ACCS: variants seen among roughly 807,000 people sequenced by gnomAD.
The protein encoded by ACCS is 1-aminocyclopropane-1-carboxylate synthase homolog (inactive).
In ACCS, 42 loss-of-function variants were observed where a neutral mutation model predicts 59.8. The ratio of observed to expected loss-of-function variants is 0.70; its 90% confidence interval spans 0.55 to 0.91. The LOEUF is 0.91. ACCS is among the 40% of genes least tolerant of loss of function. The pLI, the probability that ACCS is intolerant of heterozygous loss-of-function variation, is 0.00. For missense variants in ACCS, 602 were observed against 630.4 expected, an observed-to-expected ratio of 0.95 and a Z score of 0.48; for synonymous variants, 230 against 240.3, an observed-to-expected ratio of 0.96 and a Z score of 0.40.
Position 44,079,580 on chromosome 11 carries a change from G to T in ACCS, c.883G>T (p.Glu295Ter), listed in dbSNP as rs781178326. The change falls in exon 10 of 15, where the codon GAG becomes TAG. Residue 295 changes from glutamate to a stop codon, truncating the protein, a stop_gained. Coordinates refer to ENST00000263776, the MANE Select transcript of ACCS (RefSeq NM_032592.4). LOFTEE classifies it high-confidence loss of function. ...VDEVYMLSVF[E>*]KSVGYRSVLS... ...TGAGGTCTACATGCTGTCCGTGTTT[G>T]AGAAGTCTGTTGGGTACCGCAGTGT... The T allele has an allele frequency of 1.1e-5, 18 of 1,612,422 alleles. No individual in the cohort carries two copies. The highest frequency in any genetic ancestry group is 1.5e-5 in the Non-Finnish European group (18 of 1,179,578).
chr11:44,080,713 A>AG, intron 10 of ACCS: 1 of 452,030 alleles, frequency 2.2e-6, no homozygotes, highest in South Asian at 2.3e-5. Context: ...GCCTGGTCCC[A>AG]GGGGGAGTGG....
intron 1 of ACCS, 147 bp from the exon 2 acceptor site, chr11:44,067,481 A>C (rs1952842561): frequency 1.4e-5 from 12 of 835,074 alleles, no homozygotes; most frequent in Non-Finnish European, 2.2e-5. Flanking sequence ...ATATGGTTAC[A>C]GCTAAGGGAC....
intron 9 of ACCS, 154 bp from the exon 10 acceptor site, chr11:44,079,377 A>AG: frequency 3.2e-6 from 2 of 617,680 alleles, no homozygotes; most frequent in Non-Finnish European, 5.7e-6. Context: ...TTTGAAAAAA[A>AG]CAGAAGAAAG....
intron 10 of ACCS, among the ~76,000 whole-genome samples, chr11:44,080,104 T>C (rs189703048): frequency 2.1e-4 from 32 of 152,324 alleles, no homozygotes; most frequent in African/African-American, 7.2e-4. Context: ...CAGATCATCC[T>C]CAAGGCACAC....
chr11:44,073,350 T>C, intron 3 of ACCS, 97 bp from the exon 4 acceptor site: 1 of 998,670 alleles, frequency 1.0e-6, no homozygotes, highest in Non-Finnish European at 1.5e-6. Flanking sequence ...GCAGTTTCTC[T>C]GATGAGCAGA....
At position 44,081,175 on chromosome 11, in the gene ACCS, G is replaced by T. The variant is rs201913048; in HGVS notation, c.970-4G>T. ...GCCACCGCCTAGGGTGCTTCTTCCT[G>T]CAGGACTTCGGGATGTCTGGGCTCC... On this transcript the variant is annotated splice_polypyrimidine_tract_variant and splice_region_variant and intron_variant, in intron 11 of 14. Transcript: ENST00000263776. The T allele has an allele frequency of 1.2e-6, 2 of 1,614,100 alleles. No individual in the cohort carries two copies. The highest frequency in any genetic ancestry group is 1.3e-5 in the African/African-American group (1 of 74,938).
chr11:44,081,383 C>T, intron 12 of ACCS, 63 bp downstream of exon 12: 1 of 1,594,414 alleles, frequency 6.3e-7, no homozygotes, highest in Non-Finnish European at 8.6e-7. Context: ...TGGGAACAGC[C>T]AGGAATCATA....
intron 7 of ACCS, chr11:44,077,621 G>A: frequency 7.0e-7 from 1 of 1,437,816 alleles, no homozygotes; most frequent in Non-Finnish European, 9.1e-7. Flanking sequence ...GGTAGGAACA[G>A]AGCAGGGTAG....
Position 44,077,261 on chromosome 11 carries a change from G to A in ACCS, c.557-18G>A, listed in dbSNP as rs142466101. On this transcript the variant is annotated intron_variant, in intron 6 of 14. Coordinates refer to ENST00000263776, the MANE Select transcript of ACCS (RefSeq NM_032592.4). ...TCTGGCCAGAAAGTGACAGGCCCTCGCCCACTCCTGCCCCCAGAGGCTTTC... is the reference window on the plus strand; with the variant it reads ...TCTGGCCAGAAAGTGACAGGCCCTCACCCACTCCTGCCCCCAGAGGCTTTC... The A allele has an allele frequency of 4.0e-4, 641 of 1,610,566 alleles. 4 individuals carry two copies. Among genetic ancestry groups the A allele is most frequent in the African/African-American group, 1.1e-3 (85 of 74,972 alleles).
In ACCS at chr11:44,083,526, C is replaced by T. The variant is rs777640466; in HGVS notation, c.1357C>T (p.Pro453Ser). ...SFGKAFECKE[P>S]GWFRFVFSDQ... is the part of the protein sequence containing the mutation. ...TGGCAAGGCCTTCGAGTGTAAAGAG[C>T]CTGGTTGGTTTCGCTTTGTCTTCTC... The change falls in exon 14 of 15, where the codon CCT becomes TCT. Residue 453 changes from proline (P) to serine (S), a missense_variant. Physicochemically the swap from Pro to Ser is moderately conservative, Grantham distance 74. Transcript: ENST00000263776. 6.8e-6 allele frequency: 11 copies of T among 1,614,240 alleles called. No individual in the cohort carries two copies. The South Asian group carries it at 1.2e-4, about 18-fold the overall frequency.
At chr11:44,082,171 C>CT (rs1450152485) in intron 12 of ACCS, 1 of 148,178 alleles carries the variant, frequency 6.7e-6, no homozygotes, top group African/African-American at 2.5e-5. Context: ...AGCTGGAAGT[C>CT]TCATACACTG....
rs1398818723 is a variant in ACCS, at chr11:44,081,046, T to C, written c.950T>C (p.Val317Ala). The C allele has an allele frequency of 1.2e-6, 2 of 1,614,164 alleles. No homozygotes were observed. The highest frequency in any genetic ancestry group is 3.3e-5 in the Admixed American group (2 of 60,028). ...CTCCCTGACCCCCAGAGGACCCATGTGATGTGGGCAACCAGCAAGGTGAGT... is the reference window on the plus strand; with the variant it reads ...CTCCCTGACCCCCAGAGGACCCATGCGATGTGGGCAACCAGCAAGGTGAGT... Reference protein sequence around the residue: ...ERLPDPQRTHVMWATSKDFGM... With the variant: ...ERLPDPQRTHAMWATSKDFGM... The change falls in exon 11 of 15, where the codon GTG (valine) becomes GCG (alanine). Residue 317 changes from valine (V) to alanine (A), a missense_variant. By Grantham distance (64) the Val-to-Ala change is moderately conservative (BLOSUM62 0). Coordinates refer to ENST00000263776, the MANE Select transcript of ACCS (RefSeq NM_032592.4).
chr11:44,068,403 G>T (rs2134807404), intron 2 of ACCS, among the ~76,000 whole-genome samples: 1 of 152,228 alleles, frequency 6.6e-6, no homozygotes, highest in South Asian at 2.1e-4. Context: ...TTTGAGACCA[G>T]CCTGGGCAGC....
rs1953759714 is a variant in ACCS, at chr11:44,084,065, G to T, written c.*273G>T. On this transcript the variant is annotated 3_prime_UTR_variant, in exon 15 of 15. Coordinates refer to ENST00000263776, the MANE Select transcript of ACCS (RefSeq NM_032592.4). The stretch of plus-strand genomic sequence containing the variant: ...TATTTAGAATGGAGGAGTCGTGACT[G>T]CTTCTAACCAGAGCCTCAGCCCCCC... 5.6e-5 allele frequency: 27 copies of T among 484,402 alleles called. 1 individual carries two copies. In the South Asian group the frequency reaches 9.6e-4, roughly 17 times the overall value. 30.0% of individuals were successfully genotyped at this position (484,402 alleles called of 1,614,324 possible). A position where few individuals can be genotyped will look rare whatever the true frequency, so the allele number is the denominator to read the frequency against.
In ACCS at chr11:44,071,312, G is replaced by A; in HGVS notation, c.345G>A (p.Trp115Ter). 6.2e-7 allele frequency: 1 copy of A among 1,614,048 alleles called. No individual in the cohort carries two copies. The highest frequency in any genetic ancestry group is 2.2e-5 in the East Asian group (1 of 44,870). ...AACTCTGCTTTGACCTGCTGTCCTGGCGGGTAAGTCCTAGGGCCCCTCTAG... is the reference window on the plus strand; with the variant it reads ...AACTCTGCTTTGACCTGCTGTCCTGACGGGTAAGTCCTAGGGCCCCTCTAG... Reference protein sequence around the residue: ...ENKLCFDLLSWRLSQRDMQRV... With the variant: ...ENKLCFDLLS The change falls in exon 3 of 15, where the codon TGG becomes TGA. Residue 115 changes from tryptophan (W) to a stop codon, truncating the protein, a stop_gained. Coordinates refer to ENST00000263776, the MANE Select transcript of ACCS (RefSeq NM_032592.4). LOFTEE classifies it high-confidence loss of function.
At position 44,067,820 on chromosome 11, in the gene ACCS, T is replaced by C; in HGVS notation, c.193T>C (p.Ser65Pro). ...CTCCTCTGATACCTCCTACCTGTCC[T>C]CTAGAGGAAGAATGATTAAATGGTT... is the stretch of plus-strand genomic sequence containing the variant. ...MISSDTSYLSSRGRMIKWFWD... is the reference protein window; with the variant it reads ...MISSDTSYLSPRGRMIKWFWD... The change falls in exon 2 of 15, where the codon TCT becomes CCT. Residue 65 changes from serine (S) to proline (P), a missense_variant. Ser to Pro is a moderately conservative substitution (Grantham distance 74). Transcript: ENST00000263776. 1 of 1,614,068 alleles carries C rather than the reference T, an allele frequency of 6.2e-7. No homozygotes were observed. The highest frequency in any genetic ancestry group is 8.5e-7 in the Non-Finnish European group (1 of 1,179,984).
intron 6 of ACCS, chr11:44,075,849 G>A (rs1590486542): frequency 8.7e-6 from 4 of 457,624 alleles, no homozygotes; most frequent in South Asian, 8.1e-5. Flanking sequence ...TGGCTGTCGC[G>A]TCCTCACGTG....
intron 12 of ACCS, among the ~76,000 whole-genome samples, chr11:44,081,889 A>T (rs979004101): frequency 6.6e-6 from 1 of 152,214 alleles, no homozygotes; most frequent in Non-Finnish European, 1.5e-5. Flanking sequence ...TAAAGGAAGT[A>T]TCTCTCTTGC....
At chr11:44,075,897 G>A (rs923246213) in intron 6 of ACCS, 24 of 298,392 alleles carry the variant, frequency 8.0e-5, no homozygotes, top group African/African-American at 2.5e-4. Flanking sequence ...GGATGTGGTC[G>A]TGCCGTGCCT....
Sources: allele counts gnomAD v4.1 joint callset (sites outside exome capture counted in the v4.1 genomes callset), GRCh38; gene constraint gnomAD v4.1.1; transcripts MANE v1.5; gene names NCBI Gene and HGNC (gene_info 2026-07-23, HGNC 2026-07-21).